Variants in DPAGT1 observed in about 807,000 individuals in gnomAD.
DPAGT1 encodes dolichyl-phosphate N-acetylglucosaminephosphotransferase 1.
DPAGT1 carries 25 observed loss-of-function variants against 39.3 expected under a neutral mutation model. The observed-to-expected ratio is 0.64, with a 90% CI of 0.46 to 0.89. The LOEUF is 0.89. Among genes scored for constraint, DPAGT1 ranks in the 40% least tolerant of loss-of-function variants. DPAGT1 has a pLI of 0.00. For synonymous variants in DPAGT1, 193 were observed against 201.4 expected (o/e 0.96, Z 0.36); for missense variants, 381 against 500.6 (o/e 0.76, Z 2.28).
At chr11:119,095,185 C>A, downstream of DPAGT1, 1 of 1,614,008 alleles carries the variant, frequency 6.2e-7, no homozygotes, top group Non-Finnish European at 8.5e-7. Context: ...TGTCGCGGGC[C>A]GCATTGCCCG....
intron 1 of DPAGT1, 96 bp downstream of exon 1, chr11:119,101,399 C>T: frequency 1.2e-6 from 2 of 1,605,954 alleles, no homozygotes; most frequent in Non-Finnish European, 8.5e-7. Flanking sequence ...AGTTCTGAGT[C>T]TTCACGTGTG....
At chr11:119,094,136 C>G (rs1946352468), downstream of DPAGT1, 2 of 152,720 alleles carry the variant, frequency 1.3e-5, no homozygotes, top group Admixed American at 6.5e-5. Context: ...CTCTTGCTGT[C>G]CACATAGCCA....
Position 119,097,226 on chromosome 11 carries a change from G to A in DPAGT1, c.1077C>T (p.Asn359=). ...GTAGCAAGTTGATGAGGGTCATGTT[G>A]TTACATTCAGTGAATTCACCATCTT... ...ETEDGEFTEC[N]NMTLINLLLK... The change falls in exon 8 of 9, where the codon AAC becomes AAT. Residue 359 remains asparagine, a synonymous_variant. Coordinates refer to ENST00000354202, the MANE Select transcript of DPAGT1 (RefSeq NM_001382.4). The surrounding 1 kb of genome is among the most constrained non-coding windows in gnomAD (Gnocchi z 4.6). 5 of 1,614,190 alleles carry A rather than the reference G, an allele frequency of 3.1e-6. No homozygotes were observed. The highest frequency in any genetic ancestry group is 4.2e-6 in the Non-Finnish European group (5 of 1,180,036).
Position 119,100,269 on chromosome 11 carries a change from C to A in DPAGT1, c.636G>T (p.Glu212Asp). 1 of 1,614,194 alleles carries A rather than the reference C, an allele frequency of 6.2e-7. No homozygotes were observed. Among genetic ancestry groups the A allele is most frequent in the South Asian group, 1.1e-5 (1 of 91,084 alleles). ...SASIIVFNLV[E>D]LEGDCRDDHV... The stretch of plus-strand genomic sequence containing the variant: ...ACCCCCAATCCCACCTACCTTCCAA[C>A]TCTACCAGGTTGAAGACAATGATGG... The change falls in exon 4 of 9, where the codon GAG becomes GAT. Residue 212 changes from glutamate to aspartate, a missense_variant. By Grantham distance (45) the Glu-to-Asp change is conservative (BLOSUM62 2). Coordinates refer to ENST00000354202, the MANE Select transcript of DPAGT1 (RefSeq NM_001382.4).
At chr11:119,099,575 G>A (rs1946457319) in intron 4 of DPAGT1, among the ~76,000 whole-genome samples, 1 of 151,740 alleles carries the variant, frequency 6.6e-6, no homozygotes, top group Admixed American at 6.6e-5. Context: ...GATCACTTGA[G>A]CCCAGGAGTT....
Position 119,097,114 on chromosome 11 carries a change from GA to G in DPAGT1, c.1161+27del, listed in dbSNP as rs764252256. 6.2e-7 allele frequency: 1 copy of G among 1,614,228 alleles called. No homozygotes were observed. The highest frequency in any genetic ancestry group is 8.5e-7 in the Non-Finnish European group (1 of 1,180,042). On this transcript the variant is annotated intron_variant, in intron 8 of 8. Coordinates refer to ENST00000354202, the MANE Select transcript of DPAGT1 (RefSeq NM_001382.4). This position sits in a 1 kb window ranked among gnomAD's most constrained non-coding sequence, Gnocchi z 4.6. ...AGAATCACGCAGAAAGGGAGACACG[GA>G]GGTATAAACTCGATTCCCATCCTCA...
Position 119,101,799 on chromosome 11 carries a change from T to A in DPAGT1, c.-144A>T. The A allele has an allele frequency of 2.0e-6, 3 of 1,530,992 alleles. No individual in the cohort carries two copies. The highest frequency in any genetic ancestry group is 2.6e-6 in the Non-Finnish European group (3 of 1,139,980). The allele number at this position is 1,530,992 out of a possible 1,614,324, so 94.8% of individuals were successfully genotyped here. A position where few individuals can be genotyped will look rare whatever the true frequency, so the allele number is the denominator to read the frequency against. ...CAATCTGAGCAAAACCCAGCAACTC[T>A]GACTTGAGCCGCCGTCGGGACACCG... On this transcript the variant is annotated 5_prime_UTR_variant, in exon 1 of 9. Coordinates refer to ENST00000354202, the MANE Select transcript of DPAGT1 (RefSeq NM_001382.4).
rs773152872 is a variant in DPAGT1, at chr11:119,097,340, G to A, written c.1006-43C>T. The A allele has an allele frequency of 2.5e-6, 4 of 1,613,540 alleles. No homozygotes were observed. In the African/African-American group the frequency reaches 4.0e-5, roughly 16 times the overall value. On this transcript the variant is annotated intron_variant, in intron 7 of 8. Coordinates refer to ENST00000354202, the MANE Select transcript of DPAGT1 (RefSeq NM_001382.4). The surrounding 1 kb of genome is among the most constrained non-coding windows in gnomAD (Gnocchi z 4.6). ...GAAGAGAACCTCAGCTAATACCTAT[G>A]CTTTAGGAATGTGGATCTATTTAAT...
intron 4 of DPAGT1, 147 bp downstream of exon 4, chr11:119,100,115 G>T: frequency 7.8e-7 from 1 of 1,286,348 alleles, no homozygotes; most frequent in Non-Finnish European, 1.1e-6. Flanking sequence ...TAATAAATCT[G>T]CATTGTTATT....
At position 119,098,471 on chromosome 11, in the gene DPAGT1, A is replaced by G. The variant is rs1386440899; in HGVS notation, c.660T>C (p.Asp220=). 2 of 1,614,074 alleles carry G rather than the reference A, an allele frequency of 1.2e-6. No homozygotes were observed. The highest frequency in any genetic ancestry group is 2.7e-5 in the African/African-American group (2 of 74,920). The change falls in exon 5 of 9, where the codon GAT becomes GAC. Residue 220 remains aspartate, a synonymous_variant. Coordinates refer to ENST00000354202, the MANE Select transcript of DPAGT1 (RefSeq NM_001382.4). The part of the protein sequence containing the change: ...LVELEGDCRD[D]HVFSLYFMIP... ...TCATGAAGTAGAGGGAAAAGACATGATCATCCCGACAATCACCTTTGGAAG... is the reference window on the plus strand; with the variant it reads ...TCATGAAGTAGAGGGAAAAGACATGGTCATCCCGACAATCACCTTTGGAAG...
chr11:119,097,864 C>T lies in DPAGT1; in HGVS notation c.908G>A (p.Arg303His), dbSNP rs771322037. Residue 303 changes from arginine to histidine, a missense_variant, in exon 6 of 9, where the codon CGC (arginine) becomes CAC (histidine). Arg to His is a conservative substitution (Grantham distance 29). Coordinates refer to ENST00000354202, the MANE Select transcript of DPAGT1 (RefSeq NM_001382.4). The surrounding 1 kb of genome is among the most constrained non-coding windows in gnomAD (Gnocchi z 4.6). The stretch of plus-strand genomic sequence containing the variant: ...GCCAAAAAGCGGCTACCTGGGTATG[C>T]GGTGGCGAGGGCAGGGGATGATATG... ...LLHIIPCPRH[R>H]IPRLNIKTGK... 5.6e-6 allele frequency: 9 copies of T among 1,613,854 alleles called. No homozygotes were observed. The highest frequency in any genetic ancestry group is 2.2e-5 in the South Asian group (2 of 91,082).
intron 4 of DPAGT1, among the ~76,000 whole-genome samples, chr11:119,099,696 G>A (rs1318644330): frequency 6.6e-6 from 1 of 151,192 alleles, no homozygotes; most frequent in Non-Finnish European, 1.5e-5. Flanking sequence ...GGCTGGGGCA[G>A]GAGGATCGTT....
chr11:119,101,443 C>G, intron 1 of DPAGT1, 52 bp downstream of exon 1: 1 of 1,613,504 alleles, frequency 6.2e-7, no homozygotes, highest in Non-Finnish European at 8.5e-7. Flanking sequence ...CTGCCCTAGC[C>G]ACTCCTTCCT....
Position 119,097,362 on chromosome 11 carries a change from T to G in DPAGT1, c.1006-65A>C. On this transcript the variant is annotated intron_variant, in intron 7 of 8. Coordinates refer to ENST00000354202, the MANE Select transcript of DPAGT1 (RefSeq NM_001382.4). This position sits in a 1 kb window ranked among gnomAD's most constrained non-coding sequence, Gnocchi z 4.6. ...TATGCTTTAGGAATGTGGATCTATT[T>G]AATGCTTTCAAGTTCCCCTTGGATC... 1 of 1,613,350 alleles carries G rather than the reference T, an allele frequency of 6.2e-7. No individual in the cohort carries two copies. The highest frequency in any genetic ancestry group is 8.5e-7 in the Non-Finnish European group (1 of 1,179,276).
Position 119,101,825 on chromosome 11 carries a change from G to A in DPAGT1, c.-170C>T, listed in dbSNP as rs1446644937. On this transcript the variant is annotated 5_prime_UTR_variant, in exon 1 of 9. Coordinates refer to ENST00000354202, the MANE Select transcript of DPAGT1 (RefSeq NM_001382.4). ...GACTTGAGCCGCCGTCGGGACACCG[G>A]GGAACCTCTCTAAGGCAACCTATGT... 2.0e-6 allele frequency: 3 copies of A among 1,497,526 alleles called. No individual in the cohort carries two copies. The highest frequency in any genetic ancestry group is 4.2e-5 in the Admixed American group (2 of 48,190). The allele number at this position is 1,497,526 out of a possible 1,614,324, so 92.8% of individuals were successfully genotyped here. A position where few individuals can be genotyped will look rare whatever the true frequency, so the allele number is the denominator to read the frequency against.
At chr11:119,098,653 T>C (rs1298062159) in intron 4 of DPAGT1, among the ~76,000 whole-genome samples, 166 bp from the exon 5 acceptor site, 1 of 152,232 alleles carries the variant, frequency 6.6e-6, no homozygotes, top group Non-Finnish European at 1.5e-5. Context: ...ATTCCCAATA[T>C]TCCACCTCTT....
chr11:119,098,601 C>A, intron 4 of DPAGT1, 114 bp from the exon 5 acceptor site: 2 of 1,039,812 alleles, frequency 1.9e-6, no homozygotes, highest in South Asian at 1.3e-5. Context: ...TCACCCAAGT[C>A]ACTTTTAAGA....
At position 119,096,655 on chromosome 11, in the gene DPAGT1, A is replaced by G. The variant is rs1203784124; in HGVS notation, c.*343T>C. ...AGCCCTGGCCCAAGTTCTATCCCAAAAACCAGTGGTTCCTTGAGAGTCAGG... is the reference window on the plus strand; with the variant it reads ...AGCCCTGGCCCAAGTTCTATCCCAAGAACCAGTGGTTCCTTGAGAGTCAGG... On this transcript the variant is annotated 3_prime_UTR_variant, in exon 9 of 9. Coordinates refer to ENST00000354202, the MANE Select transcript of DPAGT1 (RefSeq NM_001382.4). The G allele has an allele frequency of 2.4e-6, 1 of 414,948 alleles. No individual in the cohort carries two copies. The highest frequency in any genetic ancestry group is 4.5e-6 in the Non-Finnish European group (1 of 224,306). 25.7% of individuals were successfully genotyped at this position (414,948 alleles called of 1,614,324 possible).
downstream of DPAGT1, chr11:119,094,719 G>T: frequency 2.5e-6 from 1 of 408,076 alleles, no homozygotes; most frequent in South Asian, 6.0e-5. Context: ...CCGGAGGGCG[G>T]ACGGCGGACA....
Sources: gnomAD v4.1 joint callset for allele counts (sites outside exome capture counted in the v4.1 genomes callset) on GRCh38, gnomAD v4.1.1 for gene constraint, Gnocchi (gnomAD v3.1) non-coding constraint, MANE v1.5 for transcripts, NCBI Gene and HGNC (gene_info 2026-07-23, HGNC 2026-07-21) for gene names.